Variants in CNTLN observed in about 807,000 individuals in gnomAD.
CNTLN encodes the protein centlein.
CNTLN carries 212 observed loss-of-function variants against 180.0 expected under a neutral mutation model. That is an observed-to-expected ratio of 1.18 (90% CI 1.05 to 1.32). The LOEUF is 1.32. Among genes scored for constraint, CNTLN ranks in the 40% most tolerant of loss-of-function variants. The pLI, the probability that CNTLN is intolerant of heterozygous loss-of-function variation, is 0.00. For missense variants in CNTLN, 2,095 were observed against 1,610.9 expected (o/e 1.30, Z -5.14); for synonymous variants, 722 against 563.1 (o/e 1.28, Z -3.99).
At chr9:17,295,725 C>T (rs1013236502) in intron 6 of CNTLN, among the ~76,000 whole-genome samples, 4 of 152,088 alleles carry the variant, frequency 2.6e-5, no homozygotes, top group Admixed American at 6.5e-5. Context: ...GTGAGTTGTG[C>T]GAGCTTTGCT....
chr9:17,422,262 G>A (rs565842150), intron 18 of CNTLN, among the ~76,000 whole-genome samples: 19 of 152,088 alleles, frequency 1.2e-4, no homozygotes, highest in Middle Eastern at 3.4e-3. Flanking sequence ...CTGTATTAGA[G>A]CTCTTTTATA....
chr9:17,406,128 A>G (rs61584793), intron 15 of CNTLN, among the ~76,000 whole-genome samples: 4,454 of 151,896 alleles, frequency 0.029, 304 homozygotes, highest in East Asian at 0.26. Flanking sequence ...TGATAATTCT[A>G]TCTTTACAGT....
At chr9:17,141,099 A>G (rs1438068579) in intron 1 of CNTLN, among the ~76,000 whole-genome samples, 2 of 152,216 alleles carry the variant, frequency 1.3e-5, no homozygotes, top group Admixed American at 6.5e-5. Flanking sequence ...TTCCAACAGC[A>G]CTTATATTTC....
At chr9:17,235,842 C>T (rs1416558570) in intron 4 of CNTLN, 50 bp downstream of exon 4, 1 of 1,546,010 alleles carries the variant, frequency 6.5e-7, no homozygotes, top group Non-Finnish European at 8.7e-7. Flanking sequence ...TGAAGTTCTG[C>T]TTTAAGCTTT....
chr9:17,365,452 G>A (rs964744369), intron 12 of CNTLN, among the ~76,000 whole-genome samples: 2 of 152,024 alleles, frequency 1.3e-5, no homozygotes, highest in African/African-American at 4.8e-5. Context: ...AGTGAGAATA[G>A]ACTAATACAC....
Position 17,308,979 on chromosome 9 carries a change from T to C in CNTLN, c.1147-79T>C, listed in dbSNP as rs11506396. 3,601 of 769,536 alleles carry C rather than the reference T, an allele frequency of 4.7e-3. 14 individuals are homozygous for C. Among genetic ancestry groups the C allele is most frequent in the African/African-American group, 0.013 (754 of 56,460 alleles). The allele number at this position is 769,536 out of a possible 1,614,324, so 47.7% of individuals were successfully genotyped here. A position where few individuals can be genotyped will look rare whatever the true frequency, so the allele number is the denominator to read the frequency against. On this transcript the variant is annotated intron_variant, in intron 7 of 25. Transcript: ENST00000380647. Reference sequence around the variant, plus strand: ...TGTTTATACAGTTCATATGTATATATACACACACACACACACAGACACACA... The same window carrying C: ...TGTTTATACAGTTCATATGTATATACACACACACACACACACAGACACACA...
chr9:17,438,325 A>G (rs1829900819), intron 18 of CNTLN, among the ~76,000 whole-genome samples: 3 of 152,158 alleles, frequency 2.0e-5, no homozygotes, highest in Admixed American at 2.0e-4. Flanking sequence ...AGACAATATT[A>G]GTAGAAATAG....
intron 18 of CNTLN, among the ~76,000 whole-genome samples, chr9:17,456,020 G>C (rs892066082): frequency 1.3e-5 from 2 of 152,150 alleles, no homozygotes. Flanking sequence ...GGTAGGGAAA[G>C]GTTGACGGGA....
At chr9:17,305,037 C>CA (rs1818613705) in intron 7 of CNTLN, among the ~76,000 whole-genome samples, 1 of 152,028 alleles carries the variant, frequency 6.6e-6, no homozygotes, top group African/African-American at 2.4e-5. Flanking sequence ...AGAGCATATA[C>CA]ATTTTCAAAA....
At chr9:17,474,390 A>T (rs1832215805) in intron 23 of CNTLN, among the ~76,000 whole-genome samples, 2 of 152,062 alleles carry the variant, frequency 1.3e-5, no homozygotes, top group Middle Eastern at 3.4e-3. Context: ...CCTTTCTCTC[A>T]TGTTGCATTT....
At chr9:17,340,244 C>G (rs542464882) in intron 10 of CNTLN, among the ~76,000 whole-genome samples, 2 of 152,240 alleles carry the variant, frequency 1.3e-5, no homozygotes, top group South Asian at 2.1e-4. Flanking sequence ...GTTTTATAAC[C>G]TCTTTAAGAG....
intron 18 of CNTLN, among the ~76,000 whole-genome samples, chr9:17,456,018 A>G (rs1831092226): frequency 6.6e-6 from 1 of 152,132 alleles, no homozygotes; most frequent in Non-Finnish European, 1.5e-5. Flanking sequence ...AAGGTAGGGA[A>G]AGGTTGACGG....
At chr9:17,255,198 G>A (rs761439857) in intron 5 of CNTLN, among the ~76,000 whole-genome samples, 1 of 151,642 alleles carries the variant, frequency 6.6e-6, no homozygotes, top group African/African-American at 2.4e-5. Flanking sequence ...AGTTGCTCTG[G>A]CTAGGACATT....
chr9:17,284,216 G>A (rs1464523755), intron 6 of CNTLN, among the ~76,000 whole-genome samples: 4 of 151,984 alleles, frequency 2.6e-5, no homozygotes, highest in Non-Finnish European at 4.4e-5. Context: ...CAATGTTCAG[G>A]GATATTGGCC....
At chr9:17,436,451 C>G (rs1829783738) in intron 18 of CNTLN, among the ~76,000 whole-genome samples, 1 of 152,146 alleles carries the variant, frequency 6.6e-6, no homozygotes, top group African/African-American at 2.4e-5. Flanking sequence ...AAATAAAAGA[C>G]TTTTGCTAAG....
intron 1 of CNTLN, among the ~76,000 whole-genome samples, chr9:17,141,760 G>T (rs887321098): frequency 1.3e-5 from 2 of 152,046 alleles, no homozygotes; most frequent in African/African-American, 2.4e-5. Flanking sequence ...GTTTATTGAT[G>T]ATTTGGATAT....
chr9:17,188,373 T>C (rs1821568580), intron 2 of CNTLN, among the ~76,000 whole-genome samples: 1 of 152,142 alleles, frequency 6.6e-6, no homozygotes, highest in African/African-American at 2.4e-5. Context: ...AAAGCAAAGA[T>C]AGTTTTCAAA....
At chr9:17,136,683 G>T (rs1027134716) in intron 1 of CNTLN, among the ~76,000 whole-genome samples, 1 of 152,184 alleles carries the variant, frequency 6.6e-6, no homozygotes. Context: ...AGTGAAGGGT[G>T]TAAAAATGGG....
intron 7 of CNTLN, among the ~76,000 whole-genome samples, chr9:17,308,595 T>C (rs1041603603): frequency 2.0e-5 from 3 of 152,074 alleles, no homozygotes; most frequent in African/African-American, 7.2e-5. Flanking sequence ...CTCCTTTCTG[T>C]CCTTTCCTAT....
Sources: allele counts gnomAD v4.1 joint callset (sites outside exome capture counted in the v4.1 genomes callset), GRCh38; gene constraint gnomAD v4.1.1; transcripts MANE v1.5; gene names NCBI Gene and HGNC (gene_info 2026-07-23, HGNC 2026-07-21).